Variants in COX7B2 observed in about 807,000 individuals in gnomAD.
COX7B2 encodes cytochrome c oxidase subunit 7B2, mitochondrial.
For synonymous variants in COX7B2, 37 were observed against 32.1 expected (o/e 1.15, Z -0.51); for missense variants, 109 against 95.9 (o/e 1.14, Z -0.57).
intron 1 of COX7B2, among the ~76,000 whole-genome samples, chr4:46,861,497 G>A (rs2109801874): frequency 6.6e-6 from 1 of 152,138 alleles, no homozygotes; most frequent in South Asian, 2.1e-4. Context: ...TGCCTTTTTG[G>A]CAATTAAATC....
At chr4:46,820,834 A>C (rs3922626) in intron 2 of COX7B2, among the ~76,000 whole-genome samples, 1 of 129,222 alleles carries the variant, frequency 7.7e-6, no homozygotes, top group Non-Finnish European at 1.6e-5. Flanking sequence ...AAAAAAAAAA[A>C]ATATATATAT....
At chr4:46,792,040 CAT>C (rs957211454) in intron 2 of COX7B2, among the ~76,000 whole-genome samples, 53 of 152,298 alleles carry the variant, frequency 3.5e-4, no homozygotes, top group African/African-American at 1.3e-3. Context: ...TCCTATGAAA[CAT>C]AGCTGATTAA....
chr4:46,812,661 A>C (rs762121661), intron 2 of COX7B2, among the ~76,000 whole-genome samples: 24 of 152,298 alleles, frequency 1.6e-4, no homozygotes, highest in Non-Finnish European at 2.5e-4. Context: ...TTGGCAGCTC[A>C]GACTGTAGGA....
chr4:46,846,547 G>C (rs1716290522), intron 1 of COX7B2, among the ~76,000 whole-genome samples: 1 of 152,004 alleles, frequency 6.6e-6, no homozygotes, highest in Admixed American at 6.6e-5. Context: ...GCAGTCTTCT[G>C]GGGGAAGAGT....
intron 2 of COX7B2, among the ~76,000 whole-genome samples, chr4:46,831,585 C>A (rs898020421): frequency 2.6e-5 from 4 of 152,040 alleles, no homozygotes; most frequent in Admixed American, 2.6e-4. Context: ...GCACTCTGTA[C>A]CTAGCTCAAG....
chr4:46,879,984 A>G (rs1718610008), intron 1 of COX7B2, among the ~76,000 whole-genome samples: 1 of 152,166 alleles, frequency 6.6e-6, no homozygotes, highest in Non-Finnish European at 1.5e-5. Flanking sequence ...AGGACTTCCA[A>G]TACTGTCTTG....
intron 2 of COX7B2, among the ~76,000 whole-genome samples, chr4:46,769,158 A>C (rs938129012): frequency 6.6e-6 from 1 of 152,112 alleles, no homozygotes; most frequent in East Asian, 1.9e-4. Flanking sequence ...AAAAGAATGT[A>C]TGTCAATCCT....
chr4:46,876,600 G>T (rs927978072), intron 1 of COX7B2: 1 of 151,910 alleles, frequency 6.6e-6, no homozygotes, highest in Non-Finnish European at 1.5e-5. Flanking sequence ...TAGAGACAGG[G>T]TTTCACCGTG....
At chr4:46,858,157 G>A (rs1717112415) in intron 1 of COX7B2, among the ~76,000 whole-genome samples, 1 of 152,064 alleles carries the variant, frequency 6.6e-6, no homozygotes, top group Admixed American at 6.6e-5. Flanking sequence ...GCAGTGGCAT[G>A]ATCTCGGCTT....
intron 1 of COX7B2, 60 bp from the exon 2 acceptor site, chr4:46,845,074 G>A (rs1167869571): frequency 1.3e-5 from 2 of 151,920 alleles, no homozygotes; most frequent in African/African-American, 4.8e-5. Context: ...AAAGCCAGAG[G>A]TAAGTACAGG....
chr4:46,880,068 A>T (rs1718615023), intron 1 of COX7B2, among the ~76,000 whole-genome samples: 1 of 152,076 alleles, frequency 6.6e-6, no homozygotes, highest in African/African-American at 2.4e-5. Context: ...TTGCCCATTC[A>T]GTGTAATGTT....
At chr4:46,768,542 G>C (rs1716687438) in intron 2 of COX7B2, among the ~76,000 whole-genome samples, 1 of 152,142 alleles carries the variant, frequency 6.6e-6, no homozygotes, top group Non-Finnish European at 1.5e-5. Flanking sequence ...ATAGGTCTAT[G>C]CTTGAGGGTG....
At chr4:46,764,756 T>C (rs1716427897) in intron 2 of COX7B2, among the ~76,000 whole-genome samples, 1 of 149,910 alleles carries the variant, frequency 6.7e-6, no homozygotes, top group African/African-American at 2.4e-5. Context: ...ACCGTTACAA[T>C]TATAAAATAT....
intron 1 of COX7B2, among the ~76,000 whole-genome samples, chr4:46,907,956 C>CTCCCGGCTCCAAGT (rs1720508374): frequency 1.4e-5 from 2 of 147,074 alleles, no homozygotes; most frequent in African/African-American, 5.1e-5. Context: ...CGGGTTCAAG[C>CTCCCGGCTCCAAGT]GATTCTCCCG....
intron 1 of COX7B2, among the ~76,000 whole-genome samples, chr4:46,864,192 T>C (rs1164586538): frequency 2.0e-5 from 3 of 152,162 alleles, no homozygotes; most frequent in Non-Finnish European, 4.4e-5. Flanking sequence ...AGGGCCCCTA[T>C]CAGGTGTTGT....
At chr4:46,872,840 T>C (rs956507619) in intron 1 of COX7B2, among the ~76,000 whole-genome samples, 2 of 152,156 alleles carry the variant, frequency 1.3e-5, no homozygotes, top group Admixed American at 1.3e-4. Context: ...TTTTTTATTA[T>C]ACTTTAAGTT....
At chr4:46,744,594 C>T (rs1714908140) in intron 2 of COX7B2, among the ~76,000 whole-genome samples, 1 of 152,066 alleles carries the variant, frequency 6.6e-6, no homozygotes, top group South Asian at 2.1e-4. Flanking sequence ...AATGACCCCT[C>T]ATTGCATAAT....
At chr4:46,856,640 C>T (rs1018968755) in intron 1 of COX7B2, among the ~76,000 whole-genome samples, 1 of 152,090 alleles carries the variant, frequency 6.6e-6, no homozygotes, top group Admixed American at 6.5e-5. Flanking sequence ...CAAATAGAAA[C>T]TACAGTTTTT....
At chr4:46,892,736 T>C (rs1702906315) in intron 1 of COX7B2, among the ~76,000 whole-genome samples, 1 of 152,176 alleles carries the variant, frequency 6.6e-6, no homozygotes, top group Non-Finnish European at 1.5e-5. Context: ...CACTAGCTGT[T>C]TTGACTTTCG....
Sources: gnomAD v4.1 joint callset for allele counts (sites outside exome capture counted in the v4.1 genomes callset) on GRCh38, gnomAD v4.1.1 for gene constraint, MANE v1.5 for transcripts, NCBI Gene and HGNC (gene_info 2026-07-23, HGNC 2026-07-21) for gene names.